RAB2A: variants seen among roughly 807,000 people sequenced by gnomAD.
The protein encoded by RAB2A is ras-related protein Rab-2A.
Under a neutral mutation model 32.5 loss-of-function variants are expected in RAB2A, and 7 were observed. The ratio of observed to expected loss-of-function variants is 0.22; its 90% CI spans 0.12 to 0.40. The LOEUF is 0.40. RAB2A is among the 10% of genes least tolerant of loss of function. RAB2A has a pLI of 1.00. For missense variants in RAB2A, 108 were observed against 260.7 expected (o/e 0.41, Z 4.03); for synonymous variants, 79 against 85.2 (o/e 0.93, Z 0.40).
intron 1 of RAB2A, chr8:60,552,625 GTAGAGT>G (rs1807872847): frequency 6.6e-6 from 1 of 152,142 alleles, no homozygotes. Context: ...AGGCCAATTA[GTAGAGT>G]TAGAAAGAAA....
intron 2 of RAB2A, 37 bp from the exon 3 acceptor site, chr8:60,572,009 A>C: frequency 6.8e-7 from 1 of 1,467,192 alleles, no homozygotes; most frequent in African/African-American, 1.4e-5. Flanking sequence ...ATATATTCCC[A>C]CTAATTTTGT....
At chr8:60,538,827 G>T (rs1398776346) in intron 1 of RAB2A, among the ~76,000 whole-genome samples, 1 of 152,156 alleles carries the variant, frequency 6.6e-6, no homozygotes, top group East Asian at 1.9e-4. Flanking sequence ...GACAGTGAAG[G>T]GTGGATTTGG....
intron 6 of RAB2A, among the ~76,000 whole-genome samples, chr8:60,603,506 T>C (rs1182324375): frequency 6.6e-6 from 1 of 152,222 alleles, no homozygotes; most frequent in East Asian, 1.9e-4. Flanking sequence ...AAGAAGGATC[T>C]GTTGAGGGGG....
chr8:60,613,987 C>G (rs1016145259), intron 6 of RAB2A, among the ~76,000 whole-genome samples: 3 of 152,184 alleles, frequency 2.0e-5, no homozygotes, highest in Non-Finnish European at 2.9e-5. Context: ...GATATTTAAA[C>G]TGTCCAAAAT....
intron 3 of RAB2A, among the ~76,000 whole-genome samples, chr8:60,582,518 TG>T (rs918987287): frequency 7.9e-5 from 12 of 152,246 alleles, no homozygotes; most frequent in African/African-American, 2.9e-4. Context: ...ACTTTTTTGT[TG>T]TTTTTTTGTT....
chr8:60,548,855 C>G (rs575463160), intron 1 of RAB2A, among the ~76,000 whole-genome samples: 3 of 151,442 alleles, frequency 2.0e-5, no homozygotes, highest in Admixed American at 1.3e-4. Context: ...AGGTGGCTGC[C>G]GGGCAGAGAC....
intron 1 of RAB2A, among the ~76,000 whole-genome samples, chr8:60,535,380 T>G (rs1476920302): frequency 6.6e-6 from 1 of 152,216 alleles, no homozygotes; most frequent in African/African-American, 2.4e-5. Flanking sequence ...TCCAGAAATT[T>G]TCTGTACCTC....
At chr8:60,590,332 A>G (rs1205709939) in intron 5 of RAB2A, among the ~76,000 whole-genome samples, 2 of 151,728 alleles carry the variant, frequency 1.3e-5, no homozygotes, top group Admixed American at 1.3e-4. Flanking sequence ...TTGAGTCATG[A>G]CACAGTTTGA....
intron 3 of RAB2A, among the ~76,000 whole-genome samples, chr8:60,578,202 C>G (rs1323203907): frequency 1.3e-5 from 2 of 152,116 alleles, no homozygotes; most frequent in African/African-American, 4.8e-5. Flanking sequence ...ATTTGAGTGC[C>G]TACTATAAAT....
chr8:60,573,464 A>G (rs757959405), intron 3 of RAB2A, among the ~76,000 whole-genome samples: 10 of 152,094 alleles, frequency 6.6e-5, no homozygotes, highest in African/African-American at 2.4e-4. Context: ...GATACTTCCT[A>G]TGTGTCACAG....
intron 1 of RAB2A, among the ~76,000 whole-genome samples, chr8:60,544,459 A>G (rs1049698033): frequency 6.6e-6 from 1 of 152,060 alleles, no homozygotes; most frequent in Non-Finnish European, 1.5e-5. Context: ...CGTTTGTATT[A>G]AAACTTTAAA....
intron 1 of RAB2A, among the ~76,000 whole-genome samples, chr8:60,540,411 G>A (rs1246418190): frequency 1.3e-5 from 2 of 152,070 alleles, no homozygotes; most frequent in East Asian, 3.9e-4. Context: ...TGTTAAAAAT[G>A]AAGATCATTT....
At chr8:60,530,409 G>T (rs1807458989) in intron 1 of RAB2A, among the ~76,000 whole-genome samples, 1 of 152,028 alleles carries the variant, frequency 6.6e-6, no homozygotes, top group Non-Finnish European at 1.5e-5. Context: ...ACCTCTCAAA[G>T]TGCTGGGATT....
intron 6 of RAB2A, among the ~76,000 whole-genome samples, chr8:60,603,939 A>G (rs1804180437): frequency 6.6e-6 from 1 of 151,272 alleles, no homozygotes; most frequent in African/African-American, 2.4e-5. Flanking sequence ...ATTGATAGAC[A>G]GACAGATAGG....
intron 3 of RAB2A, among the ~76,000 whole-genome samples, chr8:60,576,549 T>C (rs1803636816): frequency 6.6e-6 from 1 of 152,264 alleles, no homozygotes; most frequent in African/African-American, 2.4e-5. Context: ...AGTGAAACTT[T>C]TGACCAAATT....
chr8:60,568,128 G>A (rs1231656703), intron 2 of RAB2A, among the ~76,000 whole-genome samples: 3 of 152,194 alleles, frequency 2.0e-5, no homozygotes, highest in African/African-American at 7.2e-5. Context: ...AACAGGAATG[G>A]GGGATAGGAG....
intron 2 of RAB2A, chr8:60,559,178 A>G: frequency 2.9e-6 from 1 of 345,286 alleles, no homozygotes; most frequent in Non-Finnish European, 5.4e-6. Flanking sequence ...TAGCGATGAA[A>G]CAATTTAAGA....
chr8:60,555,365 G>A (rs1807920546), intron 1 of RAB2A, among the ~76,000 whole-genome samples: 1 of 152,064 alleles, frequency 6.6e-6, no homozygotes, highest in Non-Finnish European at 1.5e-5. Context: ...GGCAACAAAA[G>A]CAAAATAGAC....
intron 1 of RAB2A, among the ~76,000 whole-genome samples, chr8:60,528,318 G>A (rs1478133365): frequency 6.6e-6 from 1 of 152,200 alleles, no homozygotes. Context: ...GATATCATAT[G>A]TGTAACAGTG....
Sources: gnomAD v4.1 joint callset for allele counts (sites outside exome capture counted in the v4.1 genomes callset) on GRCh38, gnomAD v4.1.1 for gene constraint, MANE v1.5 for transcripts, NCBI Gene and HGNC (gene_info 2026-07-23, HGNC 2026-07-21) for gene names.